EML2: variants seen among roughly 807,000 people sequenced by gnomAD.
EML2 encodes the protein EMAP like 2.
A neutral mutation model predicts 84.7 loss-of-function variants in EML2; 59 were observed. The observed-to-expected ratio is 0.70, with a 90% CI of 0.56 to 0.86. EML2 has a LOEUF of 0.86. EML2 is among the 40% of genes least tolerant of loss of function. The pLI, the probability that EML2 is intolerant of heterozygous loss-of-function variation, is 0.00. For missense variants in EML2, 818 were observed against 855.6 expected, an observed-to-expected ratio of 0.96 and a Z score of 0.55; for synonymous variants, 352 against 348.9, an observed-to-expected ratio of 1.01 and a Z score of -0.10.
intron 11 of EML2, 168 bp from the exon 12 acceptor site, chr19:45,619,359 G>A (rs1971442743): frequency 2.5e-6 from 2 of 794,134 alleles, no homozygotes; most frequent in South Asian, 4.3e-5. Flanking sequence ...TTGGGCATCT[G>A]AACCCATGCC....
Position 45,634,435 on chromosome 19 carries a change from A to C in EML2, c.216T>G (p.Leu72=). 2 of 1,613,856 alleles carry C rather than the reference A, an allele frequency of 1.2e-6. No homozygotes were observed. Among genetic ancestry groups the C allele is most frequent in the Non-Finnish European group, 1.7e-6 (2 of 1,179,916 alleles). Reference sequence around the variant, plus strand: ...CTATCTCCCCGGTGGGCAGCAAATAAAGGTTGGCCCGGCAGTCTCGGCCAC... The same window carrying C: ...CTATCTCCCCGGTGGGCAGCAAATACAGGTTGGCCCGGCAGTCTCGGCCAC... ...GYRGRDCRAN[L]YLLPTGEIVY... The change falls in exon 4 of 19, where the codon CTT becomes CTG. Residue 72 remains leucine, a synonymous_variant. Coordinates refer to ENST00000245925, the MANE Select transcript of EML2 (RefSeq NM_012155.4).
upstream of EML2, chr19:45,644,942 C>T (rs747145259): frequency 6.7e-5 from 30 of 447,756 alleles, no homozygotes; most frequent in Non-Finnish European, 1.2e-4. Context: ...ATTCCAGAAG[C>T]TTGAGGGGAG....
chr19:45,633,600 G>C (rs1484082934), intron 4 of EML2, among the ~76,000 whole-genome samples: 1 of 152,084 alleles, frequency 6.6e-6, no homozygotes, highest in South Asian at 2.1e-4. Flanking sequence ...TTAGCTGGGC[G>C]TGGTGGCGGG....
At chr19:45,619,516 C>T (rs1971458774) in intron 11 of EML2, 1 of 180,254 alleles carries the variant, frequency 5.5e-6, no homozygotes. Flanking sequence ...CCTCCCAGGT[C>T]TCCAGCTCCA....
intron 7 of EML2, 41 bp from the exon 8 acceptor site, chr19:45,626,880 T>C: frequency 1.9e-6 from 3 of 1,553,548 alleles, no homozygotes; most frequent in Non-Finnish European, 2.6e-6. Flanking sequence ...GACCTCAAAG[T>C]CCCCAAGGCT....
At chr19:45,641,624 G>A (rs780334028), upstream of EML2, 3 of 1,534,426 alleles carry the variant, frequency 2.0e-6, no homozygotes, top group South Asian at 3.6e-5. Context: ...GCGGCTTGAC[G>A]CCGCCCCAGT....
In EML2 at chr19:45,621,628, C is replaced by T. The variant is rs138579632; in HGVS notation, c.851G>A (p.Arg284His). 275 of 1,607,528 alleles carry T rather than the reference C, an allele frequency of 1.7e-4. 1 individual carries two copies. In the African/African-American group the frequency reaches 2.2e-3, roughly 13 times the overall value. ...GGCGCCCAGCACCGCCTGTGTGATA[C>T]GGTTCCCACCTGCAGGGTGGCCAGG... ...NLYVWGKGGNRITQAVLGAHD... is the reference protein window; with the variant it reads ...NLYVWGKGGNHITQAVLGAHD... The change falls in exon 10 of 19, where the codon CGT becomes CAT. Residue 284 changes from arginine to histidine, a missense_variant. Coordinates refer to ENST00000245925, the MANE Select transcript of EML2 (RefSeq NM_012155.4).
intron 11 of EML2, chr19:45,620,842 T>G (rs1971600269): frequency 1.3e-5 from 5 of 373,254 alleles, no homozygotes; most frequent in Non-Finnish European, 2.6e-5. Context: ...CGAGAAGAAA[T>G]GCAAGCAGAC....
chr19:45,624,253 C>T (rs1344406448), intron 9 of EML2, among the ~76,000 whole-genome samples: 1 of 152,208 alleles, frequency 6.6e-6, no homozygotes, highest in Non-Finnish European at 1.5e-5. Flanking sequence ...AACAACCACT[C>T]ATTTGTTCCT....
At chr19:45,633,414 C>G (rs1020136312) in intron 4 of EML2, among the ~76,000 whole-genome samples, 2 of 151,878 alleles carry the variant, frequency 1.3e-5, no homozygotes, top group African/African-American at 4.8e-5. Context: ...GGGCTGACAC[C>G]ACCCTGCTCC....
At chr19:45,627,203 C>T (rs570588992) in intron 7 of EML2, among the ~76,000 whole-genome samples, 4 of 151,946 alleles carry the variant, frequency 2.6e-5, no homozygotes, top group Admixed American at 1.3e-4. Context: ...GTGATCCACC[C>T]GCCTCAGCCT....
At chr19:45,616,123 T>C (rs904862739) in intron 15 of EML2, 3 of 563,340 alleles carry the variant, frequency 5.3e-6, no homozygotes, top group Non-Finnish European at 9.6e-6. Flanking sequence ...ACAATGGGAG[T>C]TTAGAACAGG....
chr19:45,614,810 C>T (rs1970844763), intron 16 of EML2, 110 bp from the exon 17 acceptor site: 1 of 867,666 alleles, frequency 1.2e-6, no homozygotes, highest in Non-Finnish European at 1.9e-6. Flanking sequence ...GGCTAAGGTC[C>T]CAGGGCTCAT....
At chr19:45,617,335 C>T (rs1182007459) in intron 13 of EML2, among the ~76,000 whole-genome samples, 2 of 151,868 alleles carry the variant, frequency 1.3e-5, no homozygotes, top group Non-Finnish European at 2.9e-5. Flanking sequence ...GCAGGTGAAT[C>T]ACTTGAGGTC....
chr19:45,612,301 G>A (rs1013962260), intron 18 of EML2, among the ~76,000 whole-genome samples: 2 of 151,998 alleles, frequency 1.3e-5, no homozygotes, highest in African/African-American at 4.8e-5. Flanking sequence ...CTGACCTCAG[G>A]TGATCCATCA....
intron 3 of EML2, among the ~76,000 whole-genome samples, chr19:45,637,656 CTTTTTCTTTTCTTTTTTTTTT>C (rs1568486605): frequency 2.0e-5 from 2 of 98,854 alleles, no homozygotes; most frequent in Non-Finnish European, 4.1e-5. Context: ...TTTTTTTTTT[CTTTTTCTTTTCTTTTTTTTTT>C]TTTTTTTTTT....
Position 45,634,382 on chromosome 19 carries a change from A to G in EML2, c.269T>C (p.Leu90Pro). ...IVYFVASVAV[L>P]YSVEEQRQRH... ...CTGCCTCTGCTCCTCCACGCTGTAT[A>G]GCACGGCTACGGAGGCCACAAAGTA... Residue 90 changes from leucine to proline, a missense_variant, in exon 4 of 19, where the codon CTA becomes CCA. By Grantham distance (98) the Leu-to-Pro change is moderately conservative. Coordinates refer to ENST00000245925, the MANE Select transcript of EML2 (RefSeq NM_012155.4). The G allele has an allele frequency of 6.2e-7, 1 of 1,614,122 alleles. No individual in the cohort carries two copies. Among genetic ancestry groups the G allele is most frequent in the Non-Finnish European group, 8.5e-7 (1 of 1,179,990 alleles).
chr19:45,631,869 A>G (rs1478040267), intron 6 of EML2, among the ~76,000 whole-genome samples: 1 of 132,508 alleles, frequency 7.5e-6, no homozygotes, highest in Admixed American at 7.9e-5. Context: ...ACACTAGTAC[A>G]CCCAGCTAAT....
At chr19:45,634,943 C>T (rs4803837) in intron 3 of EML2, among the ~76,000 whole-genome samples, 19,441 of 151,182 alleles carry the variant, frequency 0.13, 1,371 homozygotes, top group East Asian at 0.23. Flanking sequence ...CTCCGACTCC[C>T]TGGTTCAAAC....
Sources: allele counts gnomAD v4.1 joint callset (sites outside exome capture counted in the v4.1 genomes callset), GRCh38; gene constraint gnomAD v4.1.1; transcripts MANE v1.5; gene names NCBI Gene and HGNC (gene_info 2026-07-23, HGNC 2026-07-21).